The following PHACTR3 variants were observed in gnomAD, a reference collection of about 807,000 sequenced individuals.
The protein encoded by PHACTR3 is protein phosphatase 1, regulatory subunit 123.
A neutral mutation model predicts 66.8 loss-of-function variants in PHACTR3; 16 were observed. That is an observed-to-expected ratio of 0.24 (90% CI 0.16 to 0.36). The LOEUF (loss-of-function observed/expected upper bound fraction) is 0.36, where lower values mean the gene tolerates loss of function less well. Ranked by LOEUF, PHACTR3 falls within the 10% of genes least tolerant of loss-of-function variation. The pLI is 1.00. For missense variants in PHACTR3, 647 were observed against 719.9 expected, an observed-to-expected ratio of 0.90 and a Z score of 1.16; for synonymous variants, 323 against 292.1, an observed-to-expected ratio of 1.11 and a Z score of -1.08.
At chr20:59,648,979 A>G (rs2035375845) in intron 1 of PHACTR3, among the ~76,000 whole-genome samples, 1 of 152,178 alleles carries the variant, frequency 6.6e-6, no homozygotes, top group Non-Finnish European at 1.5e-5. Flanking sequence ...GAGGCTGGGA[A>G]TATAGGCATC....
intron 1 of PHACTR3, among the ~76,000 whole-genome samples, chr20:59,681,604 G>A (rs922091126): frequency 2.0e-5 from 3 of 152,232 alleles, no homozygotes; most frequent in Non-Finnish European, 2.9e-5. Flanking sequence ...TCAACAGACT[G>A]TTAGGGAGGC....
intron 1 of PHACTR3, among the ~76,000 whole-genome samples, chr20:59,647,215 C>CG (rs899330254): frequency 4.6e-5 from 7 of 152,152 alleles, no homozygotes; most frequent in African/African-American, 1.7e-4. Flanking sequence ...TGGCAGCAGG[C>CG]AAGAGAGAGC....
intron 4 of PHACTR3, among the ~76,000 whole-genome samples, chr20:59,758,628 A>G (rs919567920): frequency 6.6e-6 from 1 of 152,174 alleles, no homozygotes; most frequent in African/African-American, 2.4e-5. Flanking sequence ...ATGACTGCAC[A>G]TTCATTTAGC....
intron 1 of PHACTR3, among the ~76,000 whole-genome samples, chr20:59,729,162 G>A (rs1002685250): frequency 6.6e-6 from 1 of 152,190 alleles, no homozygotes; most frequent in South Asian, 2.1e-4. Context: ...GGTAAGGCGG[G>A]GTCAGGGGTG....
At chr20:59,595,521 A>G (rs2033302744) in intron 1 of PHACTR3, among the ~76,000 whole-genome samples, 1 of 152,220 alleles carries the variant, frequency 6.6e-6, no homozygotes, top group African/African-American at 2.4e-5. Flanking sequence ...ATCCTGGTGA[A>G]TATTTCATGT....
chr20:59,607,737 A>G (rs979609232), intron 1 of PHACTR3, among the ~76,000 whole-genome samples: 1 of 152,108 alleles, frequency 6.6e-6, no homozygotes, highest in Admixed American at 6.5e-5. Context: ...TGGCTCTTCC[A>G]TGAGTGGTTC....
At chr20:59,841,365 A>C (rs770257764) in intron 10 of PHACTR3, 30 bp from the exon 11 acceptor site, 1 of 1,595,322 alleles carries the variant, frequency 6.3e-7, no homozygotes, top group Non-Finnish European at 8.6e-7. Context: ...TTGGCATGTG[A>C]TACTTAACTA....
At chr20:59,692,090 C>T (rs748502937) in intron 1 of PHACTR3, among the ~76,000 whole-genome samples, 6 of 152,196 alleles carry the variant, frequency 3.9e-5, no homozygotes, top group Non-Finnish European at 7.3e-5. Flanking sequence ...GTAGCCAACA[C>T]CACTCCTTTG....
intron 7 of PHACTR3, among the ~76,000 whole-genome samples, chr20:59,800,075 A>T (rs1359487494): frequency 6.6e-6 from 1 of 152,174 alleles, no homozygotes; most frequent in Non-Finnish European, 1.5e-5. Context: ...TCATGACCTC[A>T]CCAGAGTATA....
chr20:59,779,894 G>A (rs1182505), intron 7 of PHACTR3, among the ~76,000 whole-genome samples: 89,608 of 152,156 alleles, frequency 0.59, 28,874 homozygotes, highest in Non-Finnish European at 0.71. Context: ...CATCAAAAGC[G>A]AATTTTATGA....
At chr20:59,648,052 A>G (rs2035341671) in intron 1 of PHACTR3, among the ~76,000 whole-genome samples, 2 of 152,220 alleles carry the variant, frequency 1.3e-5, no homozygotes, top group African/African-American at 4.8e-5. Flanking sequence ...CTGTAGTTGC[A>G]TATGGCTTTA....
chr20:59,686,252 C>A (rs1346584611), intron 1 of PHACTR3, among the ~76,000 whole-genome samples: 1 of 152,224 alleles, frequency 6.6e-6, no homozygotes, highest in African/African-American at 2.4e-5. Context: ...TGGGGCCTAA[C>A]TGCCCACGTG....
intron 1 of PHACTR3, among the ~76,000 whole-genome samples, chr20:59,579,895 G>A (rs531802859): frequency 1.3e-4 from 20 of 152,260 alleles, no homozygotes; most frequent in African/African-American, 3.6e-4. Flanking sequence ...AGGCTTGGTC[G>A]GGGAGGAGGG....
At chr20:59,644,074 A>C (rs908040611) in intron 1 of PHACTR3, among the ~76,000 whole-genome samples, 16 of 152,122 alleles carry the variant, frequency 1.1e-4, no homozygotes, top group Admixed American at 1.0e-3. Flanking sequence ...GCCAATACAC[A>C]CTGAGAAACT....
rs766494401 is a variant in PHACTR3, at chr20:59,847,132, G to T, written c.*2G>T. The T allele has an allele frequency of 5.3e-6, 8 of 1,519,128 alleles. No individual in the cohort carries two copies. The highest frequency in any genetic ancestry group is 2.7e-5 in the African/African-American group (2 of 73,212). 94.1% of individuals were successfully genotyped at this position (1,519,128 alleles called of 1,614,324 possible). On this transcript the variant is annotated 3_prime_UTR_variant, in exon 13 of 13. Coordinates refer to ENST00000371015, the MANE Select transcript of PHACTR3 (RefSeq NM_080672.5). ...ATCTCTAGATTCCACAGGCCATAGA[G>T]ATTTTCTTCTGAGAAGAATTTGTGT... is the stretch of plus-strand genomic sequence containing the variant.
At chr20:59,705,112 A>G (rs1281867975) in intron 1 of PHACTR3, among the ~76,000 whole-genome samples, 1 of 152,058 alleles carries the variant, frequency 6.6e-6, no homozygotes, top group Non-Finnish European at 1.5e-5. Flanking sequence ...GTGCACCACC[A>G]TACCCAGCTA....
At chr20:59,779,914 T>C (rs1346959969) in intron 7 of PHACTR3, among the ~76,000 whole-genome samples, 1 of 152,212 alleles carries the variant, frequency 6.6e-6, no homozygotes, top group Non-Finnish European at 1.5e-5. Context: ...AGAAACAGTC[T>C]TTGTGTTGTC....
At position 59,786,740 on chromosome 20, in the gene PHACTR3, G is replaced by C. The variant is rs529617171; in HGVS notation, c.1174+12250G>C. 2.3e-3 allele frequency among the ~76,000 whole-genome samples: 343 copies of C among 151,846 alleles called. 4 individuals carry two copies. The highest frequency in any genetic ancestry group is 8.2e-3 in the African/African-American group (339 of 41,400). On this transcript the variant is annotated intron_variant, in intron 7 of 12. Coordinates refer to ENST00000371015, the MANE Select transcript of PHACTR3 (RefSeq NM_080672.5). ...TGTGCAGTTGACGGGTGTCCATGGA[G>C]CTCTTTCTGTGCAGTTGACAGATGT...
chr20:59,646,145 AG>A (rs1394687207), intron 1 of PHACTR3, among the ~76,000 whole-genome samples: 4 of 152,174 alleles, frequency 2.6e-5, no homozygotes, highest in Non-Finnish European at 5.9e-5. Context: ...GGAGGAAGTA[AG>A]GCTCAAGTCC....
Sources: allele counts gnomAD v4.1 joint callset (sites outside exome capture counted in the v4.1 genomes callset), GRCh38; gene constraint gnomAD v4.1.1; transcripts MANE v1.5; gene names NCBI Gene and HGNC (gene_info 2026-07-23, HGNC 2026-07-21).